PSMC2: variants seen among roughly 807,000 people sequenced by gnomAD.
The protein encoded by PSMC2 is 26S proteasome regulatory subunit 7.
A neutral mutation model predicts 53.3 loss-of-function variants in PSMC2; 7 were observed. The observed-to-expected ratio is 0.13, with a 90% CI of 0.07 to 0.25. The LOEUF is 0.25. Among genes scored for constraint, PSMC2 ranks in the 10% least tolerant of loss-of-function variants. The pLI is 1.00. For synonymous variants in PSMC2, 169 were observed against 183.9 expected (o/e 0.92, Z 0.66); for missense variants, 241 against 544.0 (o/e 0.44, Z 5.54).
At chr7:103,349,469 A>T (rs1430452409) in intron 1 of PSMC2, among the ~76,000 whole-genome samples, 7 of 149,638 alleles carry the variant, frequency 4.7e-5, no homozygotes, top group African/African-American at 1.5e-4. Context: ...TTTTTTTGAG[A>T]TGGAGTCTTG....
chr7:103,361,363 A>G (rs1339701382), intron 4 of PSMC2, among the ~76,000 whole-genome samples: 5 of 150,134 alleles, frequency 3.3e-5, no homozygotes, highest in Non-Finnish European at 5.9e-5. Flanking sequence ...ATACAAAATT[A>G]GCTAGGCATG....
chr7:103,362,283 A>G (rs778410246), intron 5 of PSMC2, 195 bp downstream of exon 5: 26 of 1,397,856 alleles, frequency 1.9e-5, no homozygotes, highest in Admixed American at 9.8e-5. Flanking sequence ...TGACTCCCCT[A>G]CTCCCACTGT....
chr7:103,366,211 A>C (rs377530617), intron 9 of PSMC2, 48 bp downstream of exon 9: 11 of 1,488,456 alleles, frequency 7.4e-6, no homozygotes, highest in African/African-American at 1.4e-5. Flanking sequence ...GTTTCATGAA[A>C]GCTGTAAAGT....
At chr7:103,361,692 A>G (rs995181142) in intron 4 of PSMC2, among the ~76,000 whole-genome samples, 2 of 152,170 alleles carry the variant, frequency 1.3e-5, no homozygotes, top group Admixed American at 6.5e-5. Flanking sequence ...AATACAAACT[A>G]TGGAAATCAA....
In PSMC2 at chr7:103,367,358, A is replaced by G. The variant is rs1490414300; in HGVS notation, c.845-55A>G. On this transcript the variant is annotated intron_variant, in intron 9 of 11. Coordinates refer to ENST00000292644, the MANE Select transcript of PSMC2 (RefSeq NM_002803.4). This position sits in a 1 kb window ranked among gnomAD's most constrained non-coding sequence, Gnocchi z 6.1. ...GATTTTTGGTACTTTCAGGTCATGC[A>G]TAGTGCTACTCTTGAGTGGACTTGA... The G allele has an allele frequency of 2.6e-6, 4 of 1,562,176 alleles. No individual in the cohort carries two copies. The highest frequency in any genetic ancestry group is 1.1e-5 in the South Asian group (1 of 89,584).
At position 103,367,959 on chromosome 7, in the gene PSMC2, A is replaced by G; in HGVS notation, c.1207A>G (p.Ile403Val). ...GTTTGCCATCAGAGCACGGCGAAAA[A>G]TTGCTACCGAGAAGGATTTCTTGGA... ...GMFAIRARRK[I>V]ATEKDFLEAV... The change falls in exon 12 of 12, where the codon ATT becomes GTT. Residue 403 changes from isoleucine (I) to valine (V), a missense_variant. Around this residue, in one of 6 missense-constraint regions of PSMC2, gnomAD observed 60 missense variants for 115.8 expected, o/e 0.52. Transcript: ENST00000292644. The surrounding 1 kb of genome is among the most constrained non-coding windows in gnomAD (Gnocchi z 6.1). The G allele has an allele frequency of 1.2e-6, 2 of 1,614,120 alleles. No individual in the cohort carries two copies. The highest frequency in any genetic ancestry group is 1.7e-6 in the Non-Finnish European group (2 of 1,180,010).
intron 1 of PSMC2, among the ~76,000 whole-genome samples, chr7:103,349,595 C>T (rs1035648141): frequency 3.3e-5 from 5 of 151,654 alleles, no homozygotes; most frequent in African/African-American, 4.8e-5. Flanking sequence ...ATTACAGGCA[C>T]CCCCCCACCA....
At chr7:103,348,193 G>C (rs1819647075) in intron 1 of PSMC2, among the ~76,000 whole-genome samples, 1 of 152,166 alleles carries the variant, frequency 6.6e-6, no homozygotes, top group Non-Finnish European at 1.5e-5. Context: ...TATTTGACCA[G>C]ATAATACATT....
At position 103,362,710 on chromosome 7, in the gene PSMC2, T is replaced by C; in HGVS notation, c.447T>C (p.Ile149=). The change falls in exon 6 of 12, where the codon ATT becomes ATC. Residue 149 remains isoleucine (I), a synonymous_variant. Coordinates refer to ENST00000292644, the MANE Select transcript of PSMC2 (RefSeq NM_002803.4). ...GCGTGGATAGAAATAAATATCAAAT[T>C]CACATTCCATTGCCTCCTAAGATTG... ...RVGVDRNKYQ[I]HIPLPPKIDP... 1.2e-6 allele frequency: 2 copies of C among 1,606,066 alleles called. No homozygotes were observed. The highest frequency in any genetic ancestry group is 1.7e-5 in the Admixed American group (1 of 59,956).
At chr7:103,359,172 A>ATTTTTTTTTTTTTTTT (rs1586155184) in intron 4 of PSMC2, among the ~76,000 whole-genome samples, 9 of 58,386 alleles carry the variant, frequency 1.5e-4, no homozygotes, top group Non-Finnish European at 1.9e-4. Flanking sequence ...TTTTTTTTTA[A>ATTTTTTTTTTTTTTTT]TTTTTAGTAG....
intron 8 of PSMC2, among the ~76,000 whole-genome samples, chr7:103,364,744 A>C (rs1253833673): frequency 1.3e-5 from 2 of 152,044 alleles, no homozygotes; most frequent in Non-Finnish European, 2.9e-5. Flanking sequence ...TTAGTAGTTT[A>C]GAAGCTGCCT....
chr7:103,355,874 T>C (rs1820004223), intron 4 of PSMC2, 81 bp downstream of exon 4: 1 of 935,808 alleles, frequency 1.1e-6, no homozygotes, highest in East Asian at 2.5e-5. Context: ...GATAATGCAA[T>C]AGTTCATAAA....
rs762731760 is a variant in PSMC2, at chr7:103,347,705, T to C, written c.-7T>C. On this transcript the variant is annotated 5_prime_UTR_variant, in exon 1 of 12. Transcript: ENST00000292644. The stretch of plus-strand genomic sequence containing the variant: ...ATTAAGGAGCGGAGGCTTTTGGAGC[T>C]GCTAAAATGCCGGATTACCTCGGTG... The C allele has an allele frequency of 2.5e-6, 4 of 1,613,918 alleles. No individual in the cohort carries two copies. Among genetic ancestry groups the C allele is most frequent in the Admixed American group, 1.7e-5 (1 of 60,014 alleles).
At position 103,367,813 on chromosome 7, in the gene PSMC2, A is replaced by G; in HGVS notation, c.1144+4A>G. On this transcript the variant is annotated splice_donor_region_variant and intron_variant, in intron 11 of 11. Coordinates refer to ENST00000292644, the MANE Select transcript of PSMC2 (RefSeq NM_002803.4). This position sits in a 1 kb window ranked among gnomAD's most constrained non-coding sequence, Gnocchi z 6.1. ...CGACTGTGTCCAAATAGCACTGGTA[A>G]GTAGAAAGTTCTTGCTTATATTTGC... 1 of 1,612,842 alleles carries G rather than the reference A, an allele frequency of 6.2e-7. No homozygotes were observed. The highest frequency in any genetic ancestry group is 8.5e-7 in the Non-Finnish European group (1 of 1,179,320).
chr7:103,359,138 CTTTTTT>C (rs35936603), intron 4 of PSMC2, among the ~76,000 whole-genome samples: 7 of 31,332 alleles, frequency 2.2e-4, no homozygotes, highest in South Asian at 3.7e-3. Flanking sequence ...CCATGTCTGG[CTTTTTT>C]TTTTTTTTTT....
upstream of PSMC2, chr7:103,347,533 C>G: frequency 1.6e-6 from 1 of 625,852 alleles, no homozygotes; most frequent in South Asian, 1.9e-5. Context: ...GGTAATCAGT[C>G]CAAAAACCAG....
rs534347530 is a variant in PSMC2 at position 103,368,164 on chromosome 7, T to C, written c.*110T>C. On this transcript the variant is annotated 3_prime_UTR_variant, in exon 12 of 12. Transcript: ENST00000292644. The stretch of plus-strand genomic sequence containing the variant: ...ATGGCTTCAAAATTGTATGCTTTTT[T>C]CCATATCTCTTCTTGTAATATAATA... 7 of 921,870 alleles carry C rather than the reference T, an allele frequency of 7.6e-6. No individual in the cohort carries two copies. In the African/African-American group the frequency reaches 1.2e-4, roughly 15 times the overall value. 57.1% of individuals were successfully genotyped at this position (921,870 alleles called of 1,614,324 possible).
In PSMC2 at chr7:103,366,174, T is replaced by C; in HGVS notation, c.844+11T>C. ...TTGATGCTATTGGAGGTGAGAATGA[T>C]ACGTTAGAGAACTGCTTTAGGATTC... On this transcript the variant is annotated intron_variant, in intron 9 of 11. Coordinates refer to ENST00000292644, the MANE Select transcript of PSMC2 (RefSeq NM_002803.4). The C allele has an allele frequency of 3.8e-6, 6 of 1,559,854 alleles. No homozygotes were observed. The highest frequency in any genetic ancestry group is 5.3e-6 in the Non-Finnish European group (6 of 1,131,184).
In PSMC2 at chr7:103,347,886, C is replaced by G. The variant is rs995943545; in HGVS notation, c.70+105C>G. On this transcript the variant is annotated intron_variant, in intron 1 of 11. Coordinates refer to ENST00000292644, the MANE Select transcript of PSMC2 (RefSeq NM_002803.4). ...CCCGCTCCTGGCTCTGTGCTCTGGC[C>G]CTTTTGTGCCCCTAGTAATTTAGTC... The G allele has an allele frequency of 5.6e-6, 7 of 1,254,590 alleles. No individual in the cohort carries two copies. The African/African-American group carries it at 1.0e-4, about 19-fold the overall frequency. The allele number at this position is 1,254,590 out of a possible 1,614,324, so 77.7% of individuals were successfully genotyped here.
Sources: allele counts gnomAD v4.1 joint callset (sites outside exome capture counted in the v4.1 genomes callset), GRCh38; gene constraint gnomAD v4.1.1; regional missense constraint gnomAD v4.1.1; non-coding constraint Gnocchi (gnomAD v3.1); transcripts MANE v1.5; gene names NCBI Gene and HGNC (gene_info 2026-07-23, HGNC 2026-07-21).